The following TNR variants were observed in gnomAD, a reference collection of about 807,000 sequenced individuals.
TNR encodes the protein tenascin-R.
A neutral mutation model predicts 150.4 loss-of-function variants in TNR; 45 were observed. The ratio of observed to expected loss-of-function variants is 0.30; its 90% CI spans 0.24 to 0.38. The LOEUF (loss-of-function observed/expected upper bound fraction) is 0.38. Ranked by LOEUF, TNR falls within the 10% of genes least tolerant of loss-of-function variation. TNR has a pLI of 1.00. For synonymous variants in TNR, 687 were observed against 678.4 expected, an observed-to-expected ratio of 1.01 and a Z score of -0.20; for missense variants, 1,544 against 1,759.1, an observed-to-expected ratio of 0.88 and a Z score of 2.19.
rs148596803 is a variant in TNR, at chr1:175,484,646, T to C, written c.-64+43623A>G. Among the ~76,000 whole-genome samples, 478 of 152,314 alleles carry C rather than the reference T, an allele frequency of 3.1e-3. 2 individuals carry two copies. Among genetic ancestry groups the C allele is most frequent in the Non-Finnish European group, 4.9e-3 (335 of 68,034 alleles). ...ACTAACCTAATTTCATGTTTGGCTT[T>C]TTGCTCCTGGCGTTTGGTTCTAACT... On this transcript the variant is annotated intron_variant, in intron 2 of 22. Transcript: ENST00000367674.
chr1:175,600,131 A>G (rs1217957556), intron 1 of TNR, among the ~76,000 whole-genome samples: 2 of 152,170 alleles, frequency 1.3e-5, no homozygotes, highest in Non-Finnish European at 2.9e-5. Context: ...TGTGATCTTG[A>G]GCAGGTTACT....
At chr1:175,458,052 T>C (rs555260965) in intron 2 of TNR, among the ~76,000 whole-genome samples, 3 of 152,248 alleles carry the variant, frequency 2.0e-5, no homozygotes, top group African/African-American at 7.2e-5. Context: ...TAGTACCCAC[T>C]TCACAGGATT....
At chr1:175,426,697 G>A (rs1044160013) in intron 2 of TNR, among the ~76,000 whole-genome samples, 4 of 150,652 alleles carry the variant, frequency 2.7e-5, no homozygotes, top group Admixed American at 6.7e-5. Context: ...ATGTTACTCC[G>A]TAACCTAATA....
intron 1 of TNR, among the ~76,000 whole-genome samples, chr1:175,739,433 G>C (rs777488002): frequency 6.6e-5 from 10 of 152,186 alleles, no homozygotes; most frequent in African/African-American, 2.4e-4. Context: ...AATTGGACAG[G>C]CAAGGTGTCC....
intron 2 of TNR, among the ~76,000 whole-genome samples, chr1:175,494,757 TC>T (rs1280405104): frequency 6.6e-6 from 1 of 152,016 alleles, no homozygotes. Context: ...CATTTCACAG[TC>T]AAAGCCTAGG....
chr1:175,645,181 T>C (rs1398769461), intron 1 of TNR, among the ~76,000 whole-genome samples: 1 of 152,196 alleles, frequency 6.6e-6, no homozygotes, highest in Non-Finnish European at 1.5e-5. Flanking sequence ...TCAAAATATC[T>C]GTATAATTTA....
At chr1:175,352,125 T>C (rs1651083212) in intron 18 of TNR, among the ~76,000 whole-genome samples, 1 of 152,180 alleles carries the variant, frequency 6.6e-6, no homozygotes, top group African/African-American at 2.4e-5. Flanking sequence ...TGTACACTGC[T>C]TGGCGCAGCT....
intron 1 of TNR, among the ~76,000 whole-genome samples, chr1:175,733,128 G>A (rs577704121): frequency 4.6e-5 from 7 of 152,300 alleles, no homozygotes; most frequent in African/African-American, 1.7e-4. Context: ...TTTCCCTCTC[G>A]CAGGCTTTTG....
intron 2 of TNR, among the ~76,000 whole-genome samples, chr1:175,442,500 T>C (rs1655838509): frequency 6.7e-6 from 1 of 149,792 alleles, no homozygotes; most frequent in African/African-American, 2.6e-5. Flanking sequence ...TATTGGAAGA[T>C]TGAGAGTGAG....
Position 175,393,845 on chromosome 1 carries a change from C to T in TNR, c.1291G>A (p.Val431Met), listed in dbSNP as rs778097851. The change falls in exon 6 of 23, where the codon GTG becomes ATG. Residue 431 changes from valine (V) to methionine (M), a missense_variant. Physicochemically the swap from Val to Met is conservative, Grantham distance 21. This residue lies in a region of TNR where 1,254 missense variants were observed against 1,329.4 expected (regional missense o/e 0.94). Coordinates refer to ENST00000367674, the MANE Select transcript of TNR (RefSeq NM_003285.3). Reference sequence around the variant, plus strand: ...GAGAAGGGCTCCCACTGCACCTCCACGGTGGTCTCTGTGATCGTCTTAAAT... The same window carrying T: ...GAGAAGGGCTCCCACTGCACCTCCATGGTGGTCTCTGTGATCGTCTTAAAT... Reference protein sequence around the residue: ...LQFKTITETTVEVQWEPFSFS... With the variant: ...LQFKTITETTMEVQWEPFSFS... 59 of 1,614,102 alleles carry T rather than the reference C, an allele frequency of 3.7e-5. No homozygotes were observed. Among genetic ancestry groups the T allele is most frequent in the Non-Finnish European group, 4.2e-5 (50 of 1,180,042 alleles).
At chr1:175,514,997 G>A (rs1224328142) in intron 2 of TNR, among the ~76,000 whole-genome samples, 1 of 152,166 alleles carries the variant, frequency 6.6e-6, no homozygotes, top group African/African-American at 2.4e-5. Flanking sequence ...AAGAAGTTGC[G>A]ATGGTGTCAC....
chr1:175,628,839 A>G (rs968409403), intron 1 of TNR, among the ~76,000 whole-genome samples: 1 of 152,198 alleles, frequency 6.6e-6, no homozygotes, highest in African/African-American at 2.4e-5. Flanking sequence ...CCACTTGTCT[A>G]TCAGATCCCT....
At chr1:175,682,382 A>G (rs1455760674) in intron 1 of TNR, among the ~76,000 whole-genome samples, 2 of 152,208 alleles carry the variant, frequency 1.3e-5, no homozygotes, top group East Asian at 1.9e-4. Flanking sequence ...GACGCCGCTC[A>G]GAGAGGCGAG....
At chr1:175,623,697 A>G (rs541303702) in intron 1 of TNR, among the ~76,000 whole-genome samples, 3 of 152,324 alleles carry the variant, frequency 2.0e-5, no homozygotes, top group Non-Finnish European at 4.4e-5. Flanking sequence ...TCCTCTTTGC[A>G]GAGAAGAGGT....
At chr1:175,331,167 TTCC>T (rs1557868622) in intron 20 of TNR, among the ~76,000 whole-genome samples, 508 of 39,002 alleles carry the variant, frequency 0.013, 29 homozygotes, top group African/African-American at 0.027. Context: ...TTTTCTTTCC[TTCC>T]TTCCTTCCTT....
At chr1:175,502,934 T>A (rs560656604) in intron 2 of TNR, among the ~76,000 whole-genome samples, 1 of 148,804 alleles carries the variant, frequency 6.7e-6, no homozygotes, top group Non-Finnish European at 1.5e-5. Context: ...CTTTGTTTTT[T>A]AAAGGGGTGC....
At chr1:175,650,789 C>CT (rs2101888590) in intron 1 of TNR, among the ~76,000 whole-genome samples, 1 of 15,222 alleles carries the variant, frequency 6.6e-5, no homozygotes, top group African/African-American at 2.7e-4. Flanking sequence ...ATTACTCCTC[C>CT]TCCCCCATCT....
chr1:175,366,884 C>T (rs531408249), intron 10 of TNR, among the ~76,000 whole-genome samples: 9 of 152,184 alleles, frequency 5.9e-5, no homozygotes, highest in African/African-American at 1.2e-4. Context: ...TGCCTGCTGT[C>T]GGGGTGGTCT....
intron 1 of TNR, among the ~76,000 whole-genome samples, chr1:175,699,767 AG>A (rs1296367375): frequency 6.6e-6 from 1 of 152,150 alleles, no homozygotes; most frequent in Non-Finnish European, 1.5e-5. Flanking sequence ...AAAAGGTTCA[AG>A]GGTATGAGTA....
Sources: gnomAD v4.1 joint callset for allele counts (sites outside exome capture counted in the v4.1 genomes callset) on GRCh38, gnomAD v4.1.1 for gene constraint, gnomAD v4.1.1 regional missense constraint, MANE v1.5 for transcripts, NCBI Gene and HGNC (gene_info 2026-07-23, HGNC 2026-07-21) for gene names.